Variants in PKIG observed in about 807,000 individuals in gnomAD.
PKIG encodes protein kinase (cAMP-dependent, catalytic) inhibitor gamma.
In PKIG, 1 loss-of-function variant was observed where a neutral mutation model predicts 6.8. That is an observed-to-expected ratio of 0.15 (90% CI 0.05 to 0.69). The LOEUF is 0.69. Among genes scored for constraint, PKIG ranks in the 30% least tolerant of loss-of-function variants. The pLI, the probability that PKIG is intolerant of heterozygous loss-of-function variation, is 0.82. For synonymous variants in PKIG, 39 were observed against 43.0 expected, an observed-to-expected ratio of 0.91 and a Z score of 0.36; for missense variants, 77 against 104.0, an observed-to-expected ratio of 0.74 and a Z score of 1.13.
upstream of PKIG, among the ~76,000 whole-genome samples, chr20:44,577,761 T>C (rs977365322): frequency 5.9e-5 from 9 of 152,190 alleles, no homozygotes; most frequent in African/African-American, 2.2e-4. Flanking sequence ...AGCAGCTGTG[T>C]GGACTAGAAA....
Position 44,542,398 on chromosome 20 carries a change from C to T in PKIG, c.-241+10420C>T, listed in dbSNP as rs140764670. Among the ~76,000 whole-genome samples the T allele has an allele frequency of 3.6e-3, 551 of 151,708 alleles. 3 individuals are homozygous for T. The highest frequency in any genetic ancestry group is 6.8e-3 in the Middle Eastern group (2 of 294). The stretch of plus-strand genomic sequence containing the variant: ...ACCTACTCCGTGTTTCTGCTAATCA[C>T]CAGAATGAAACTTAAAAAAAAAAAG... On this transcript the variant is annotated intron_variant, in intron 1 of 4. Transcript: ENST00000372887.
chr20:44,614,233 G>A lies in PKIG; in HGVS notation c.-23-301G>A, dbSNP rs1209762301. ...AGGGACCATGGCCAGTTTGTTCATG[G>A]TGGTATCTGTGCCAGTGCCTGGCGC... is the stretch of plus-strand genomic sequence containing the variant. On this transcript the variant is annotated intron_variant, in intron 2 of 3. Coordinates refer to ENST00000372886, the MANE Select transcript of PKIG (RefSeq NM_001281445.2). The surrounding 1 kb of genome is among the most constrained non-coding windows in gnomAD (Gnocchi z 4.6). The A allele has an allele frequency of 3.9e-5, 10 of 257,626 alleles. No homozygotes were observed. The highest frequency in any genetic ancestry group is 3.7e-4 in the South Asian group (8 of 21,616). 16.0% of individuals were successfully genotyped at this position (257,626 alleles called of 1,614,324 possible).
chr20:44,569,239 G>T (rs922753000), intron 1 of PKIG, among the ~76,000 whole-genome samples: 4 of 152,134 alleles, frequency 2.6e-5, no homozygotes, highest in Admixed American at 2.6e-4. Context: ...TAAGGCACAT[G>T]TCTAGTAGAA....
intron 1 of PKIG, among the ~76,000 whole-genome samples, chr20:44,571,278 A>G (rs964268461): frequency 2.6e-5 from 4 of 151,882 alleles, no homozygotes; most frequent in Non-Finnish European, 5.9e-5. Flanking sequence ...AAAATTTTTA[A>G]ATAATTTGCA....
chr20:44,578,068 T>C (rs761927616), upstream of PKIG, among the ~76,000 whole-genome samples: 12 of 152,058 alleles, frequency 7.9e-5, no homozygotes, highest in East Asian at 9.8e-4. Context: ...TGGCCGGGCA[T>C]GGTGGCTCAT....
At chr20:44,580,981 A>G (rs2123338188), upstream of PKIG, among the ~76,000 whole-genome samples, 1 of 152,250 alleles carries the variant, frequency 6.6e-6, no homozygotes, top group Non-Finnish European at 1.5e-5. Context: ...TTGGGTAGCA[A>G]AGCAAGGAAA....
At chr20:44,571,512 C>T (rs1450148057) in intron 1 of PKIG, among the ~76,000 whole-genome samples, 1 of 152,162 alleles carries the variant, frequency 6.6e-6, no homozygotes, top group Admixed American at 6.5e-5. Flanking sequence ...AAACCGTTGT[C>T]TTCACTTTAC....
At chr20:44,594,774 C>G (rs2065061667) in intron 2 of PKIG, among the ~76,000 whole-genome samples, 1 of 152,274 alleles carries the variant, frequency 6.6e-6, no homozygotes, top group Admixed American at 6.5e-5. Flanking sequence ...ATTTCCAGCT[C>G]CTTTGAATTC....
intron 1 of PKIG, among the ~76,000 whole-genome samples, chr20:44,537,907 A>G (rs1053849837): frequency 2.0e-5 from 3 of 152,032 alleles, no homozygotes; most frequent in Non-Finnish European, 4.4e-5. Context: ...ATACTTTCTG[A>G]CTTTAGTAGG....
At chr20:44,581,287 A>T (rs546878380), upstream of PKIG, among the ~76,000 whole-genome samples, 8 of 152,352 alleles carry the variant, frequency 5.3e-5, no homozygotes, top group South Asian at 1.7e-3. Flanking sequence ...ATTATGTACA[A>T]CGAGAGCAAA....
intron 1 of PKIG, among the ~76,000 whole-genome samples, chr20:44,546,781 G>A (rs1472846316): frequency 4.1e-4 from 2 of 4,846 alleles, no homozygotes; most frequent in African/African-American, 2.0e-3. Flanking sequence ...TCGAGCTCCT[G>A]ACCTCAGGTA....
chr20:44,544,910 T>TTTCC (rs2064597343), intron 1 of PKIG, among the ~76,000 whole-genome samples: 2 of 149,768 alleles, frequency 1.3e-5, no homozygotes, highest in African/African-American at 2.5e-5. Context: ...TCTTTCTTTC[T>TTTCC]TTCCTTCCTT....
intron 1 of PKIG, among the ~76,000 whole-genome samples, chr20:44,562,065 G>C (rs376617106): frequency 2.0e-5 from 3 of 152,180 alleles, no homozygotes; most frequent in South Asian, 4.2e-4. Flanking sequence ...GCAATGGGAA[G>C]ATTGCTTGAG....
chr20:44,580,469 CCAAGTAGCTGGGACTA>C (rs1363700086), upstream of PKIG, among the ~76,000 whole-genome samples: 2 of 152,198 alleles, frequency 1.3e-5, no homozygotes, highest in East Asian at 3.9e-4. Context: ...TCTCAGCCTC[CCAAGTAGCTGGGACTA>C]CAGGAACACG....
intron 1 of PKIG, among the ~76,000 whole-genome samples, chr20:44,552,641 C>T (rs970604200): frequency 1.3e-5 from 2 of 152,106 alleles, no homozygotes; most frequent in African/African-American, 2.4e-5. Flanking sequence ...AACCCCTGTG[C>T]GCCAGGTTCC....
chr20:44,586,346 G>A (rs929251130), intron 1 of PKIG, among the ~76,000 whole-genome samples: 5 of 152,214 alleles, frequency 3.3e-5, no homozygotes, highest in African/African-American at 1.2e-4. Flanking sequence ...ACATAGGATG[G>A]CATTTGCATG....
At chr20:44,541,774 C>T (rs934647817) in intron 1 of PKIG, among the ~76,000 whole-genome samples, 7 of 149,726 alleles carry the variant, frequency 4.7e-5, no homozygotes, top group Admixed American at 6.7e-5. Context: ...ACTGCAGCCT[C>T]GCCTCCCAGG....
At chr20:44,560,175 G>A (rs2064754337) in intron 1 of PKIG, among the ~76,000 whole-genome samples, 1 of 152,130 alleles carries the variant, frequency 6.6e-6, no homozygotes, top group Non-Finnish European at 1.5e-5. Flanking sequence ...GTTTGAGCTG[G>A]GGAGGCGGAG....
rs143900748 is a variant in PKIG at position 44,591,469 on chromosome 20, C to T, written c.-24+1603C>T. Among the ~76,000 whole-genome samples, 45 of 151,982 alleles carry T rather than the reference C, an allele frequency of 3.0e-4. No homozygotes were observed. The East Asian group carries it at 4.8e-3, about 16-fold the overall frequency. On this transcript the variant is annotated intron_variant, in intron 2 of 3. Coordinates refer to ENST00000372886, the MANE Select transcript of PKIG (RefSeq NM_001281445.2). ...GAGTTCTAAGGGACTGAGAGAGTTC[C>T]GCACTCTGCCTGGCCCACTCTCATC... is the stretch of plus-strand genomic sequence containing the variant.
Sources: allele counts gnomAD v4.1 joint callset (sites outside exome capture counted in the v4.1 genomes callset), GRCh38; gene constraint gnomAD v4.1.1; non-coding constraint Gnocchi (gnomAD v3.1); transcripts MANE v1.5; gene names NCBI Gene and HGNC (gene_info 2026-07-23, HGNC 2026-07-21).